The following CELF4 variants were observed in gnomAD, a reference collection of about 807,000 sequenced individuals.
CELF4 encodes the protein CUG-BP- and ETR-3-like factor 4.
CELF4 carries 18 observed loss-of-function variants against 59.9 expected under a neutral mutation model. That is an observed-to-expected ratio of 0.30 (90% CI 0.21 to 0.45). CELF4 has a LOEUF of 0.45. Ranked by LOEUF, CELF4 falls within the 20% of genes least tolerant of loss-of-function variation. The probability of loss-of-function intolerance (pLI) is 1.00; values close to 1 mark genes in which losing one functional copy is unlikely to be tolerated. For synonymous variants in CELF4, 261 were observed against 267.1 expected, an observed-to-expected ratio of 0.98 and a Z score of 0.22; for missense variants, 456 against 689.0, an observed-to-expected ratio of 0.66 and a Z score of 3.79.
intron 2 of CELF4, among the ~76,000 whole-genome samples, chr18:37,403,100 G>GT (rs1292460450): frequency 6.6e-6 from 1 of 152,106 alleles, no homozygotes; most frequent in Non-Finnish European, 1.5e-5. Context: ...ATCTGAGACA[G>GT]TGAGAGTGAG....
At chr18:37,449,649 G>C (rs535283731) in intron 2 of CELF4, among the ~76,000 whole-genome samples, 7 of 152,342 alleles carry the variant, frequency 4.6e-5, no homozygotes, top group South Asian at 2.1e-4. Context: ...CAGTAAAGCA[G>C]AGTAAGGGGA....
At position 37,257,837 on chromosome 18, in the gene CELF4, C is replaced by T. The variant is rs116597225; in HGVS notation, c.1333+1344G>A. On this transcript the variant is annotated intron_variant, in intron 11 of 12. Coordinates refer to ENST00000420428, the MANE Select transcript of CELF4 (RefSeq NM_020180.4). Reference sequence around the variant, plus strand: ...TGGACTCTTCAGTCCTCATGACTTACGAAAGGGTCTGGCCCAGAAGGAACG... The same window carrying T: ...TGGACTCTTCAGTCCTCATGACTTATGAAAGGGTCTGGCCCAGAAGGAACG... 5.1e-3 allele frequency among the ~76,000 whole-genome samples: 778 copies of T among 152,098 alleles called. 3 individuals are homozygous for T. The highest frequency in any genetic ancestry group is 0.018 in the South Asian group (88 of 4,792).
At chr18:37,501,165 G>A (rs1239334267) in intron 1 of CELF4, among the ~76,000 whole-genome samples, 1 of 152,224 alleles carries the variant, frequency 6.6e-6, no homozygotes, top group Non-Finnish European at 1.5e-5. Context: ...CCACAGCATG[G>A]CATTGTGACA....
chr18:37,451,908 C>A (rs1253469365), intron 2 of CELF4, among the ~76,000 whole-genome samples: 1 of 152,204 alleles, frequency 6.6e-6, no homozygotes, highest in Non-Finnish European at 1.5e-5. Context: ...CCCTCCTCCA[C>A]CAGCAAACCT....
intron 1 of CELF4, among the ~76,000 whole-genome samples, chr18:37,540,991 G>T (rs1414846431): frequency 6.6e-6 from 1 of 152,112 alleles, no homozygotes; most frequent in African/African-American, 2.4e-5. Flanking sequence ...TAGGCTTCAC[G>T]CATGCATGAC....
At chr18:37,364,737 C>A (rs542564632) in intron 2 of CELF4, among the ~76,000 whole-genome samples, 3 of 152,196 alleles carry the variant, frequency 2.0e-5, no homozygotes, top group African/African-American at 7.2e-5. Flanking sequence ...GAACCATACT[C>A]AAATGCTCTC....
chr18:37,386,687 A>G (rs969365760), intron 2 of CELF4, among the ~76,000 whole-genome samples: 1 of 152,230 alleles, frequency 6.6e-6, no homozygotes, highest in Admixed American at 6.5e-5. Flanking sequence ...CCTATAAAGA[A>G]AAAACACCTA....
rs2154432330 is a variant in CELF4 at position 37,295,767 on chromosome 18, G to A, written c.449-20524C>T. Among the ~76,000 whole-genome samples the A allele has an allele frequency of 1.3e-5, 2 of 152,170 alleles. 1 individual carries two copies. Among genetic ancestry groups the A allele is most frequent in the South Asian group, 4.1e-4 (2 of 4,830 alleles). ...GGGCATGGGGAGTCTCCAACATACA[G>A]CATCCGAAGGGAGGCACCCAGGTGA... On this transcript the variant is annotated intron_variant, in intron 3 of 12. Transcript: ENST00000420428.
In CELF4 at chr18:37,245,839, A is replaced by G. The variant is rs1214965809; in HGVS notation, c.*45-642T>C. ...GATATGTGTGTATGTATATGCATAT[A>G]TACACACATACACACACATAATACT... On this transcript the variant is annotated intron_variant, in intron 12 of 12. Coordinates refer to ENST00000420428, the MANE Select transcript of CELF4 (RefSeq NM_020180.4). This position sits in a 1 kb window ranked among gnomAD's most constrained non-coding sequence, Gnocchi z 4.1. Among the ~76,000 whole-genome samples the G allele has an allele frequency of 6.6e-6, 1 of 152,248 alleles. No individual in the cohort carries two copies. The highest frequency in any genetic ancestry group is 1.5e-5 in the Non-Finnish European group (1 of 68,044).
In CELF4 at chr18:37,274,466, G is replaced by A. The variant is rs373235223; in HGVS notation, c.658-12C>T. On this transcript the variant is annotated splice_polypyrimidine_tract_variant and intron_variant, in intron 5 of 12. Transcript: ENST00000420428. ...CTGGACGAGGCTCCCTGCGGCCGGGGCGGCGCGTGAGACCCACCTGCTCCA... is the reference window on the plus strand; with the variant it reads ...CTGGACGAGGCTCCCTGCGGCCGGGACGGCGCGTGAGACCCACCTGCTCCA... The A allele has an allele frequency of 2.7e-5, 44 of 1,611,956 alleles. No individual in the cohort carries two copies. In the East Asian group the frequency reaches 4.2e-4, roughly 16 times the overall value.
chr18:37,343,795 T>C (rs2098143659), intron 2 of CELF4, among the ~76,000 whole-genome samples: 1 of 152,050 alleles, frequency 6.6e-6, no homozygotes, highest in Admixed American at 6.6e-5. Flanking sequence ...CAGACAAGTG[T>C]GCACATGTGC....
At chr18:37,465,318 C>T (rs2099804992) in intron 2 of CELF4, among the ~76,000 whole-genome samples, 1 of 152,184 alleles carries the variant, frequency 6.6e-6, no homozygotes, top group Non-Finnish European at 1.5e-5. Context: ...CAATCAACCA[C>T]CCATCAGATT....
chr18:37,466,692 C>G (rs950583195), intron 2 of CELF4, among the ~76,000 whole-genome samples: 17 of 152,116 alleles, frequency 1.1e-4, no homozygotes, highest in Non-Finnish European at 2.5e-4. Flanking sequence ...TCCCTGCCCT[C>G]AAAGAGAGCA....
intron 2 of CELF4, among the ~76,000 whole-genome samples, chr18:37,364,772 T>C (rs2098754099): frequency 6.6e-6 from 1 of 152,162 alleles, no homozygotes; most frequent in Non-Finnish European, 1.5e-5. Flanking sequence ...CAAAGCTAAA[T>C]ATGAATGATT....
At chr18:37,311,030 A>G (rs1231271877) in intron 3 of CELF4, among the ~76,000 whole-genome samples, 5 of 152,090 alleles carry the variant, frequency 3.3e-5, no homozygotes, top group Non-Finnish European at 5.9e-5. Context: ...AATATCATCC[A>G]GAAGCCCATT....
intron 3 of CELF4, among the ~76,000 whole-genome samples, chr18:37,314,329 C>T (rs1287362067): frequency 1.3e-5 from 2 of 152,108 alleles, no homozygotes; most frequent in Non-Finnish European, 2.9e-5. Flanking sequence ...GTGGCGGGCA[C>T]CTGTAATCCC....
intron 9 of CELF4, among the ~76,000 whole-genome samples, chr18:37,265,152 GTGTA>G (rs1318629815): frequency 3.0e-4 from 45 of 150,972 alleles, no homozygotes; most frequent in African/African-American, 1.1e-3. Context: ...ATGTGTGTGG[GTGTA>G]TGTGTGTGCG....
chr18:37,260,953 T>C (rs1311854020), intron 10 of CELF4, among the ~76,000 whole-genome samples: 2 of 152,118 alleles, frequency 1.3e-5, no homozygotes, highest in Admixed American at 1.3e-4. Flanking sequence ...TTCCTGGTGC[T>C]GGATACCCCC....
At chr18:37,434,765 T>C (rs1298165384) in intron 2 of CELF4, among the ~76,000 whole-genome samples, 2 of 152,120 alleles carry the variant, frequency 1.3e-5, no homozygotes, top group African/African-American at 2.4e-5. Flanking sequence ...CCTTTCAGTG[T>C]AGGGAGTAGG....
Sources: gnomAD v4.1 joint callset for allele counts (sites outside exome capture counted in the v4.1 genomes callset) on GRCh38, gnomAD v4.1.1 for gene constraint, Gnocchi (gnomAD v3.1) non-coding constraint, MANE v1.5 for transcripts, NCBI Gene and HGNC (gene_info 2026-07-23, HGNC 2026-07-21) for gene names.